PTPRN2: variants seen among roughly 807,000 people sequenced by gnomAD.
PTPRN2 encodes the protein receptor-type tyrosine-protein phosphatase N2.
Under a neutral mutation model 118.8 loss-of-function variants are expected in PTPRN2, and 74 were observed. The observed-to-expected ratio is 0.62, with a 90% CI of 0.52 to 0.76. PTPRN2 has a LOEUF of 0.76. Ranked by LOEUF, PTPRN2 falls within the 30% of genes least tolerant of loss-of-function variation. The pLI is 0.00. For missense variants in PTPRN2, 1,481 were observed against 1,394.4 expected, an observed-to-expected ratio of 1.06 and a Z score of -0.99; for synonymous variants, 641 against 608.0, an observed-to-expected ratio of 1.05 and a Z score of -0.80.
chr7:157,634,489 C>A (rs571586806), intron 14 of PTPRN2, among the ~76,000 whole-genome samples: 1 of 152,302 alleles, frequency 6.6e-6, no homozygotes, highest in South Asian at 2.1e-4. Context: ...AATCACTAAC[C>A]TAACCTGGGA....
chr7:157,645,848 C>T, intron 14 of PTPRN2, among the ~76,000 whole-genome samples: 1 of 152,220 alleles, frequency 6.6e-6, no homozygotes, highest in East Asian at 1.9e-4. Flanking sequence ...TGAAGCACGT[C>T]CCAGACCAAA....
In PTPRN2 at chr7:157,831,086, T is replaced by C. The variant is rs1366864680; in HGVS notation, c.1788+67587A>G. On this transcript the variant is annotated intron_variant, in intron 12 of 22. Transcript: ENST00000389418. The surrounding 1 kb of genome is among the most constrained non-coding windows in gnomAD (Gnocchi z 4.8). ...GAGGGTGCAGGTGCTCATTTTACTC[T>C]TCTTTCAACTTGTTTGACAGTGTGG... Among the ~76,000 whole-genome samples, 1 of 152,246 alleles carries C rather than the reference T, an allele frequency of 6.6e-6. No homozygotes were observed. Among genetic ancestry groups the C allele is most frequent in the African/African-American group, 2.4e-5 (1 of 41,468 alleles).
intron 1 of PTPRN2, among the ~76,000 whole-genome samples, chr7:158,580,783 A>T (rs1252136348): frequency 6.6e-6 from 1 of 152,252 alleles, no homozygotes; most frequent in Non-Finnish European, 1.5e-5. Flanking sequence ...ACGGAAGCCC[A>T]GAAAGCATTC....
chr7:158,477,595 C>T (rs188779746), intron 2 of PTPRN2, among the ~76,000 whole-genome samples: 54 of 152,290 alleles, frequency 3.5e-4, no homozygotes, highest in Middle Eastern at 6.8e-3. Flanking sequence ...CTGCCATCAT[C>T]CACTATTAAA....
intron 1 of PTPRN2, among the ~76,000 whole-genome samples, chr7:158,521,483 G>A (rs1373439383): frequency 6.6e-6 from 1 of 152,266 alleles, no homozygotes; most frequent in Non-Finnish European, 1.5e-5. Flanking sequence ...TCCAAAATCA[G>A]TTGACGAATG....
At chr7:158,070,428 T>TCGTGGTGGAGGTGCC in intron 11 of PTPRN2, among the ~76,000 whole-genome samples, 1 of 118,766 alleles carries the variant, frequency 8.4e-6, no homozygotes, top group Non-Finnish European at 1.7e-5. Flanking sequence ...GTGGTGGTGC[T>TCGTGGTGGAGGTGCC]CGTGGTGGTG....
At chr7:157,866,706 C>A (rs1453983298) in intron 12 of PTPRN2, among the ~76,000 whole-genome samples, 1 of 152,066 alleles carries the variant, frequency 6.6e-6, no homozygotes, top group Non-Finnish European at 1.5e-5. Context: ...TTGCCACACA[C>A]ACCCTGGGGT....
intron 1 of PTPRN2, among the ~76,000 whole-genome samples, chr7:158,573,789 G>A (rs569524412): frequency 7.9e-5 from 12 of 152,208 alleles, no homozygotes; most frequent in Admixed American, 7.9e-4. Context: ...TGATATATGG[G>A]CTAATGCTGG....
chr7:157,794,380 C>T lies in PTPRN2; in HGVS notation c.1788+104293G>A, dbSNP rs770543943. Reference sequence around the variant, plus strand: ...TCCGGTTCTGCGTCTGGCCGGCCTACGGGCACTCGGGCAGTGCGGTGACCA... The same window carrying T: ...TCCGGTTCTGCGTCTGGCCGGCCTATGGGCACTCGGGCAGTGCGGTGACCA... On this transcript the variant is annotated intron_variant, in intron 12 of 22. Transcript: ENST00000389418. This position sits in a 1 kb window ranked among gnomAD's most constrained non-coding sequence, Gnocchi z 5.2. 2.6e-5 allele frequency among the ~76,000 whole-genome samples: 4 copies of T among 152,210 alleles called. No individual in the cohort carries two copies. The highest frequency in any genetic ancestry group is 4.1e-4 in the South Asian group (2 of 4,828).
At chr7:157,745,381 G>A (rs1167138686) in intron 12 of PTPRN2, among the ~76,000 whole-genome samples, 3 of 145,890 alleles carry the variant, frequency 2.1e-5, no homozygotes, top group African/African-American at 5.0e-5. Context: ...AGAGCCGGGG[G>A]TGGTCTGCGG....
chr7:157,766,035 C>T (rs985635372), intron 12 of PTPRN2, among the ~76,000 whole-genome samples: 1 of 150,776 alleles, frequency 6.6e-6, no homozygotes, highest in South Asian at 2.1e-4. Flanking sequence ...ATCCATCCAA[C>T]CAACCATTCA....
At chr7:157,659,173 G>T (rs1005955438) in intron 13 of PTPRN2, among the ~76,000 whole-genome samples, 1 of 151,670 alleles carries the variant, frequency 6.6e-6, no homozygotes, top group African/African-American at 2.4e-5. Flanking sequence ...TCTCTGCTTC[G>T]GACTCATAGC....
chr7:158,244,617 GTA>G, intron 3 of PTPRN2, among the ~76,000 whole-genome samples: 1 of 151,854 alleles, frequency 6.6e-6, no homozygotes, highest in Non-Finnish European at 1.5e-5. Flanking sequence ...TACAAGCTAT[GTA>G]TGTGTTTTGT....
intron 1 of PTPRN2, among the ~76,000 whole-genome samples, chr7:158,585,050 G>A (rs1249410823): frequency 1.3e-5 from 2 of 152,122 alleles, no homozygotes; most frequent in African/African-American, 2.4e-5. Context: ...CAGCTGGGCC[G>A]GATTTAAGGC....
chr7:157,612,712 G>A (rs1802443586), intron 15 of PTPRN2, among the ~76,000 whole-genome samples: 1 of 152,202 alleles, frequency 6.6e-6, no homozygotes, highest in Non-Finnish European at 1.5e-5. Flanking sequence ...GAAATTCGGC[G>A]GGAACCTACA....
At chr7:157,549,063 A>T in intron 21 of PTPRN2, 44 bp from the exon 22 acceptor site, 2 of 1,568,078 alleles carry the variant, frequency 1.3e-6, no homozygotes, top group Non-Finnish European at 1.8e-6. Context: ...GCACAAGATA[A>T]TCCATGCCAC....
At chr7:158,000,388 C>T (rs1296568689) in intron 11 of PTPRN2, among the ~76,000 whole-genome samples, 2 of 151,944 alleles carry the variant, frequency 1.3e-5, no homozygotes, top group African/African-American at 4.8e-5. Context: ...GGTTTCAGGC[C>T]AGAGGGTTCT....
rs1026769896 is a variant in PTPRN2, at chr7:157,780,775, C to A, written c.1789-97838G>T. Among the ~76,000 whole-genome samples the A allele has an allele frequency of 1.1e-4, 16 of 152,180 alleles. No individual in the cohort carries two copies. The highest frequency in any genetic ancestry group is 3.9e-4 in the African/African-American group (16 of 41,442). On this transcript the variant is annotated intron_variant, in intron 12 of 22. Transcript: ENST00000389418. This position sits in a 1 kb window ranked among gnomAD's most constrained non-coding sequence, Gnocchi z 4.5. The stretch of plus-strand genomic sequence containing the variant: ...CTGTTGCTTGCATGTGCCCCCGGGC[C>A]AAGGTGGACGAGCTCTCCAAACTCG...
chr7:158,458,810 C>A (rs1370853219), intron 2 of PTPRN2, among the ~76,000 whole-genome samples: 1 of 152,180 alleles, frequency 6.6e-6, no homozygotes, highest in Non-Finnish European at 1.5e-5. Context: ...CCTTCTAGTC[C>A]CAGCAACAAG....
Sources: allele counts gnomAD v4.1 joint callset (sites outside exome capture counted in the v4.1 genomes callset), GRCh38; gene constraint gnomAD v4.1.1; non-coding constraint Gnocchi (gnomAD v3.1); transcripts MANE v1.5; gene names NCBI Gene and HGNC (gene_info 2026-07-23, HGNC 2026-07-21).